The following ZFPM2 variants were observed in gnomAD, a reference collection of about 807,000 sequenced individuals.
The protein encoded by ZFPM2 is zinc finger protein ZFPM2.
In ZFPM2, 20 loss-of-function variants were observed where a neutral mutation model predicts 98.6. The observed-to-expected ratio is 0.20, with a 90% CI of 0.14 to 0.29. The LOEUF is 0.29. ZFPM2 is among the 10% of genes least tolerant of loss of function. The probability of loss-of-function intolerance (pLI) is 1.00; values close to 1 mark genes in which losing one functional copy is unlikely to be tolerated. For missense variants in ZFPM2, 1,310 were observed against 1,388.6 expected, an observed-to-expected ratio of 0.94 and a Z score of 0.90; for synonymous variants, 518 against 502.7, an observed-to-expected ratio of 1.03 and a Z score of -0.41.
intron 5 of ZFPM2, among the ~76,000 whole-genome samples, chr8:105,650,445 T>A (rs1817147669): frequency 6.6e-6 from 1 of 152,216 alleles, no homozygotes; most frequent in South Asian, 2.1e-4. Flanking sequence ...CTCTTACTTC[T>A]CTAGTTCTTT....
chr8:105,380,239 C>T (rs2129863170), intron 1 of ZFPM2, among the ~76,000 whole-genome samples: 1 of 151,906 alleles, frequency 6.6e-6, no homozygotes, highest in Non-Finnish European at 1.5e-5. Context: ...CACAGTAATG[C>T]CAAAAATATA....
rs140703479 is a variant in ZFPM2 at position 105,619,814 on chromosome 8, G to C, written c.421-14432G>C. 6.0e-3 allele frequency among the ~76,000 whole-genome samples: 919 copies of C among 152,158 alleles called. 6 individuals are homozygous for C. Among genetic ancestry groups the C allele is most frequent in the African/African-American group, 0.021 (872 of 41,486 alleles). ...TTCTGTCCTTGCAATAGTTTCCTGA[G>C]AGTGGTGGTTTCCAGCTTCATCCAT... On this transcript the variant is annotated intron_variant, in intron 4 of 7. Transcript: ENST00000407775.
intron 1 of ZFPM2, among the ~76,000 whole-genome samples, chr8:105,348,248 A>G (rs1463277551): frequency 6.6e-6 from 1 of 152,246 alleles, no homozygotes; most frequent in African/African-American, 2.4e-5. Flanking sequence ...AATGCTGACT[A>G]TTCCATGCTT....
At chr8:105,342,355 T>C (rs1812446133) in intron 1 of ZFPM2, among the ~76,000 whole-genome samples, 2 of 152,036 alleles carry the variant, frequency 1.3e-5, no homozygotes, top group African/African-American at 4.8e-5. Flanking sequence ...AGAAATTACC[T>C]AAGAATTAGT....
At chr8:105,719,768 G>A (rs1219632573) in intron 5 of ZFPM2, among the ~76,000 whole-genome samples, 2 of 151,856 alleles carry the variant, frequency 1.3e-5, no homozygotes, top group Non-Finnish European at 1.5e-5. Flanking sequence ...CAATGTCCAC[G>A]ACTGCCTATG....
At chr8:105,351,256 C>G (rs1309971659) in intron 1 of ZFPM2, among the ~76,000 whole-genome samples, 1 of 151,530 alleles carries the variant, frequency 6.6e-6, no homozygotes, top group Non-Finnish European at 1.5e-5. Context: ...TAAATCATTT[C>G]TGTATTACTT....
intron 5 of ZFPM2, among the ~76,000 whole-genome samples, chr8:105,658,047 T>G (rs1817318609): frequency 6.6e-6 from 1 of 152,148 alleles, no homozygotes. Context: ...ACTATGCCAT[T>G]TTTTTATCCC....
At chr8:105,494,983 T>C (rs1403250715) in intron 3 of ZFPM2, among the ~76,000 whole-genome samples, 1 of 152,218 alleles carries the variant, frequency 6.6e-6, no homozygotes, top group Non-Finnish European at 1.5e-5. Flanking sequence ...TCACATATCA[T>C]GAAATATTAA....
rs931906793 is a variant in ZFPM2, at chr8:105,405,828, A to G, written c.41-13316A>G. ...GATGGCTGGGTCAAATGGTATTTCT[A>G]GTTCTAGATCCCTGACGAATTGCCA... On this transcript the variant is annotated intron_variant, in intron 1 of 7. Coordinates refer to ENST00000407775, the MANE Select transcript of ZFPM2 (RefSeq NM_012082.4). 4.9e-4 allele frequency among the ~76,000 whole-genome samples: 74 copies of G among 152,168 alleles called. 1 individual carries two copies. The highest frequency in any genetic ancestry group is 1.7e-3 in the African/African-American group (72 of 41,516).
chr8:105,426,393 T>C (rs980250072), intron 2 of ZFPM2, among the ~76,000 whole-genome samples: 4 of 152,160 alleles, frequency 2.6e-5, no homozygotes, highest in African/African-American at 4.8e-5. Flanking sequence ...TGGATTTGGC[T>C]GGAGTGGAGA....
intron 3 of ZFPM2, among the ~76,000 whole-genome samples, chr8:105,544,668 T>G (rs1189098978): frequency 6.6e-6 from 1 of 152,198 alleles, no homozygotes; most frequent in Non-Finnish European, 1.5e-5. Flanking sequence ...TGCTTCTTCA[T>G]GGACACAAGT....
At chr8:105,536,303 C>G (rs1046003490) in intron 3 of ZFPM2, among the ~76,000 whole-genome samples, 3 of 151,818 alleles carry the variant, frequency 2.0e-5, no homozygotes, top group Admixed American at 6.6e-5. Flanking sequence ...TCTTTCATCT[C>G]AAGGTATTAT....
At chr8:105,738,752 G>C (rs2131028939) in intron 5 of ZFPM2, among the ~76,000 whole-genome samples, 1 of 151,964 alleles carries the variant, frequency 6.6e-6, no homozygotes, top group Non-Finnish European at 1.5e-5. Flanking sequence ...GTTTTGATTT[G>C]CATCTCTAAT....
intron 3 of ZFPM2, among the ~76,000 whole-genome samples, chr8:105,541,138 T>C (rs1219082731): frequency 6.6e-6 from 1 of 152,122 alleles, no homozygotes; most frequent in Non-Finnish European, 1.5e-5. Flanking sequence ...TCCTTTCTTA[T>C]TTTTGATCTA....
At chr8:105,391,050 C>T (rs952144025) in intron 1 of ZFPM2, among the ~76,000 whole-genome samples, 4 of 152,096 alleles carry the variant, frequency 2.6e-5, no homozygotes, top group African/African-American at 9.7e-5. Flanking sequence ...TGCTGTGGCT[C>T]ACATTGCAGA....
At chr8:105,331,228 A>G (rs1463370706) in intron 1 of ZFPM2, among the ~76,000 whole-genome samples, 1 of 151,310 alleles carries the variant, frequency 6.6e-6, no homozygotes, top group Non-Finnish European at 1.5e-5. Context: ...AATTATGATC[A>G]ACAATTCTTA....
intron 5 of ZFPM2, among the ~76,000 whole-genome samples, chr8:105,675,470 C>T (rs528990857): frequency 6.6e-6 from 1 of 152,294 alleles, no homozygotes; most frequent in East Asian, 1.9e-4. Flanking sequence ...GAGTTAGGCA[C>T]TGTGGATAAA....
intron 5 of ZFPM2, among the ~76,000 whole-genome samples, chr8:105,770,493 A>G (rs999535392): frequency 6.6e-6 from 1 of 152,120 alleles, no homozygotes; most frequent in Non-Finnish European, 1.5e-5. Flanking sequence ...ATGGCAGCTC[A>G]TGACCAAGGA....
chr8:105,696,775 A>G (rs1435031139), intron 5 of ZFPM2, among the ~76,000 whole-genome samples: 1 of 152,126 alleles, frequency 6.6e-6, no homozygotes, highest in Non-Finnish European at 1.5e-5. Flanking sequence ...TAATAGCATT[A>G]TTTCTGGCAG....
Sources: gnomAD v4.1 joint callset for allele counts (sites outside exome capture counted in the v4.1 genomes callset) on GRCh38, gnomAD v4.1.1 for gene constraint, MANE v1.5 for transcripts, NCBI Gene and HGNC (gene_info 2026-07-23, HGNC 2026-07-21) for gene names.